The following RNF220 variants were observed in gnomAD, a reference collection of about 807,000 sequenced individuals.
The protein encoded by RNF220 is E3 ubiquitin-protein ligase RNF220.
In RNF220, 7 loss-of-function variants were observed where a neutral mutation model predicts 67.1. The ratio of observed to expected loss-of-function variants is 0.10; its 90% confidence interval spans 0.06 to 0.20. The LOEUF is 0.20. Ranked by LOEUF, RNF220 falls within the 10% of genes least tolerant of loss-of-function variation. The pLI, the probability that RNF220 is intolerant of heterozygous loss-of-function variation, is 1.00. For synonymous variants in RNF220, 270 were observed against 283.2 expected (o/e 0.95, Z 0.47); for missense variants, 565 against 740.3 (o/e 0.76, Z 2.75).
intron 2 of RNF220, among the ~76,000 whole-genome samples, chr1:44,495,528 G>A (rs1657264835): frequency 6.6e-6 from 1 of 152,206 alleles, no homozygotes; most frequent in South Asian, 2.1e-4. Context: ...AATTTAGTTA[G>A]GAGAATGCAG....
chr1:44,635,972 T>C, intron 7 of RNF220, 58 bp from the exon 8 acceptor site: 1 of 1,612,366 alleles, frequency 6.2e-7, no homozygotes, highest in Admixed American at 1.7e-5. Flanking sequence ...CGTTGCAGAC[T>C]GTGGGGAGCA....
At chr1:44,613,474 G>A (rs937438131) in intron 2 of RNF220, among the ~76,000 whole-genome samples, 3 of 152,264 alleles carry the variant, frequency 2.0e-5, no homozygotes, top group Admixed American at 1.3e-4. Context: ...ATCCCAGCCG[G>A]CCAGGTGCGG....
At chr1:44,506,489 G>A (rs377099366) in intron 2 of RNF220, among the ~76,000 whole-genome samples, 222 of 152,334 alleles carry the variant, frequency 1.5e-3, no homozygotes, top group African/African-American at 5.1e-3. Context: ...CTCTCCACTC[G>A]GGGCAGCCTT....
intron 3 of RNF220, among the ~76,000 whole-genome samples, chr1:44,616,108 C>T (rs1408391158): frequency 2.0e-5 from 3 of 152,200 alleles, no homozygotes; most frequent in Non-Finnish European, 4.4e-5. Flanking sequence ...CAGCTGACTT[C>T]CCACAGAGCA....
chr1:44,469,183 G>A (rs955777414), intron 2 of RNF220, among the ~76,000 whole-genome samples: 1 of 152,142 alleles, frequency 6.6e-6, no homozygotes, highest in African/African-American at 2.4e-5. Flanking sequence ...GGAATCCTTT[G>A]GAGAAGAATT....
intron 2 of RNF220, among the ~76,000 whole-genome samples, chr1:44,469,560 T>TATTCATTC (rs35387836): frequency 9.5e-4 from 144 of 151,676 alleles, no homozygotes; most frequent in Middle Eastern, 6.8e-3. Context: ...ATTGGTATAT[T>TATTCATTC]ATTCATTCAT....
At chr1:44,597,815 T>C (rs1226357456) in intron 2 of RNF220, among the ~76,000 whole-genome samples, 1 of 152,156 alleles carries the variant, frequency 6.6e-6, no homozygotes, top group Non-Finnish European at 1.5e-5. Context: ...TTCTCTCATG[T>C]ACACGCCTCC....
rs557355415 is a variant in RNF220 at position 44,620,718 on chromosome 1, C to T, written c.759-2024C>T. 2.6e-5 allele frequency among the ~76,000 whole-genome samples: 4 copies of T among 152,284 alleles called. No individual in the cohort carries two copies. The East Asian group carries it at 7.7e-4, about 29-fold the overall frequency. On this transcript the variant is annotated intron_variant, in intron 3 of 14. Coordinates refer to ENST00000361799, the MANE Select transcript of RNF220 (RefSeq NM_018150.4). ...TTTTTACACTCAGACCTTGGCCTCACTCTGCTGCTGGGCCTGGTGGCCTCT... is the reference window on the plus strand; with the variant it reads ...TTTTTACACTCAGACCTTGGCCTCATTCTGCTGCTGGGCCTGGTGGCCTCT...
intron 2 of RNF220, among the ~76,000 whole-genome samples, chr1:44,490,667 C>A (rs1283136574): frequency 6.6e-6 from 1 of 151,556 alleles, no homozygotes; most frequent in Non-Finnish European, 1.5e-5. Context: ...AATAACTTAA[C>A]CTTCCAATTT....
At chr1:44,535,879 C>T (rs925985862) in intron 2 of RNF220, among the ~76,000 whole-genome samples, 9 of 152,254 alleles carry the variant, frequency 5.9e-5, no homozygotes, top group South Asian at 2.1e-4. Flanking sequence ...GAGCTGGCTA[C>T]GTGCTGTGGG....
intron 2 of RNF220, among the ~76,000 whole-genome samples, chr1:44,607,204 C>T (rs570939680): frequency 1.3e-5 from 2 of 152,364 alleles, no homozygotes; most frequent in South Asian, 4.1e-4. Context: ...TGCACTTGCT[C>T]TTGCCCCTTA....
chr1:44,537,693 A>G (rs981208498), intron 2 of RNF220, among the ~76,000 whole-genome samples: 2 of 152,132 alleles, frequency 1.3e-5, no homozygotes, highest in African/African-American at 4.8e-5. Flanking sequence ...TTCCCCAACC[A>G]ATGATCACAA....
At chr1:44,426,208 G>A (rs1471746498) in intron 2 of RNF220, among the ~76,000 whole-genome samples, 1 of 152,170 alleles carries the variant, frequency 6.6e-6, no homozygotes. Flanking sequence ...AGATGTTTTG[G>A]CTCAGAGGCA....
At chr1:44,585,231 CACT>C (rs1665610116) in intron 2 of RNF220, among the ~76,000 whole-genome samples, 1 of 152,208 alleles carries the variant, frequency 6.6e-6, no homozygotes, top group Non-Finnish European at 1.5e-5. Context: ...TAATGTCCCT[CACT>C]AGCAGGAACT....
At chr1:44,644,625 C>T in intron 8 of RNF220, 73 bp from the exon 9 acceptor site, 2 of 1,200,458 alleles carry the variant, frequency 1.7e-6, no homozygotes, top group Non-Finnish European at 2.5e-6. Context: ...CTAACCCCTA[C>T]CTGGAGGCAA....
chr1:44,506,497 C>T (rs994800528), intron 2 of RNF220, among the ~76,000 whole-genome samples: 1 of 152,212 alleles, frequency 6.6e-6, no homozygotes, highest in Admixed American at 6.5e-5. Context: ...TCGGGGCAGC[C>T]TTTTGGTTTG....
intron 2 of RNF220, among the ~76,000 whole-genome samples, chr1:44,596,332 C>T (rs1345659941): frequency 6.6e-6 from 1 of 152,092 alleles, no homozygotes; most frequent in African/African-American, 2.4e-5. Flanking sequence ...GAGGCTGAGG[C>T]AGGTGGATCA....
chr1:44,643,590 A>G (rs1644548396), intron 8 of RNF220: 1 of 152,240 alleles, frequency 6.6e-6, no homozygotes. Flanking sequence ...CCTACAAGAC[A>G]TACCCTAATG....
chr1:44,571,624 C>G (rs1664450246), intron 2 of RNF220, among the ~76,000 whole-genome samples: 1 of 152,188 alleles, frequency 6.6e-6, no homozygotes, highest in Non-Finnish European at 1.5e-5. Context: ...TGCACATGTT[C>G]TATCAGGGTG....
Sources: gnomAD v4.1 joint callset for allele counts (sites outside exome capture counted in the v4.1 genomes callset) on GRCh38, gnomAD v4.1.1 for gene constraint, MANE v1.5 for transcripts, NCBI Gene and HGNC (gene_info 2026-07-23, HGNC 2026-07-21) for gene names.